IL1RAPL1: variants seen among roughly 807,000 people sequenced by gnomAD.
The protein encoded by IL1RAPL1 is interleukin-1 receptor accessory protein-like 1.
In IL1RAPL1, 3 loss-of-function variants were observed where a neutral mutation model predicts 48.4. The observed-to-expected ratio is 0.06, with a 90% CI of 0.03 to 0.16. The LOEUF (loss-of-function observed/expected upper bound fraction) is 0.16, where lower values mean the gene tolerates loss of function less well. Among genes scored for constraint, IL1RAPL1 ranks in the 10% least tolerant of loss-of-function variants. The probability of loss-of-function intolerance (pLI) is 1.00; values close to 1 mark genes in which losing one functional copy is unlikely to be tolerated. For missense variants in IL1RAPL1, 349 were observed against 530.6 expected (o/e 0.66, Z 3.36); for synonymous variants, 185 against 187.7 (o/e 0.99, Z 0.12).
intron 6 of IL1RAPL1, among the ~76,000 whole-genome samples, chrX:29,760,616 G>A (rs1210298019): frequency 9.0e-6 from 1 of 111,103 alleles, no homozygotes; most frequent in East Asian, 2.8e-4. Flanking sequence ...TTTTAAACAA[G>A]CTCACCAGGT....
chrX:29,345,471 T>G (rs776495340), intron 3 of IL1RAPL1, among the ~76,000 whole-genome samples: 13 of 112,315 alleles, frequency 1.2e-4, no homozygotes, highest in Admixed American at 2.8e-4. Flanking sequence ...TCTCCATTTT[T>G]GTATTGGTTT....
chrX:28,636,045 C>T (rs197005), intron 1 of IL1RAPL1, among the ~76,000 whole-genome samples: 43,476 of 109,882 alleles, frequency 0.4, 6,447 homozygotes, highest in South Asian at 0.54. Context: ...TTGGTCTATC[C>T]GTATTTTTCC....
intron 2 of IL1RAPL1, among the ~76,000 whole-genome samples, chrX:29,277,979 T>A (rs1188981960): frequency 8.9e-6 from 1 of 112,060 alleles, no homozygotes; most frequent in Non-Finnish European, 1.9e-5. Context: ...ATTTGTGGCA[T>A]CATGTTGGCT....
intron 6 of IL1RAPL1, among the ~76,000 whole-genome samples, chrX:29,789,735 A>C (rs1167467989): frequency 9.1e-6 from 1 of 109,572 alleles, no homozygotes; most frequent in Non-Finnish European, 1.9e-5. Context: ...AACTGGTGAA[A>C]AAAAAATCTC....
chrX:29,225,020 C>A (rs1422055180), intron 2 of IL1RAPL1, among the ~76,000 whole-genome samples: 1 of 111,870 alleles, frequency 8.9e-6, no homozygotes, highest in Non-Finnish European at 1.9e-5. Flanking sequence ...GACTTCAGCA[C>A]CTAGTAGACA....
intron 1 of IL1RAPL1, among the ~76,000 whole-genome samples, chrX:28,656,400 G>A (rs1934747532): frequency 9.0e-6 from 1 of 111,294 alleles, no homozygotes; most frequent in Admixed American, 9.6e-5. Flanking sequence ...GGAACCAGGT[G>A]CCATTGATGT....
intron 2 of IL1RAPL1, among the ~76,000 whole-genome samples, chrX:29,258,711 A>T (rs1931798544): frequency 9.0e-6 from 1 of 111,179 alleles, no homozygotes; most frequent in South Asian, 3.8e-4. Flanking sequence ...TTTATGGGCT[A>T]TATTAAGAAG....
At chrX:29,609,711 A>G (rs1419952319) in intron 5 of IL1RAPL1, among the ~76,000 whole-genome samples, 7 of 112,307 alleles carry the variant, frequency 6.2e-5, no homozygotes, top group Non-Finnish European at 1.3e-4. Context: ...TAAATGTTCA[A>G]TGTATTTGTT....
At chrX:28,723,488 T>C (rs1935619869) in intron 1 of IL1RAPL1, among the ~76,000 whole-genome samples, 1 of 111,845 alleles carries the variant, frequency 8.9e-6, no homozygotes, top group African/African-American at 3.3e-5. Context: ...CTCTCTTTTC[T>C]TCTTTGTTAG....
intron 5 of IL1RAPL1, among the ~76,000 whole-genome samples, chrX:29,513,932 A>C (rs1477066810): frequency 1.8e-5 from 2 of 111,878 alleles, no homozygotes; most frequent in Non-Finnish European, 3.8e-5. Context: ...TTTTAGGTCA[A>C]AGGTAGTCTT....
intron 2 of IL1RAPL1, among the ~76,000 whole-genome samples, chrX:28,868,402 C>CTT (rs112734293): frequency 9.0e-6 from 1 of 110,546 alleles, no homozygotes; most frequent in African/African-American, 3.3e-5. Flanking sequence ...TTAGTTTATA[C>CTT]TTTTTTTTTA....
chrX:29,281,328 A>G (rs1485228432), intron 2 of IL1RAPL1, among the ~76,000 whole-genome samples: 1 of 111,716 alleles, frequency 9.0e-6, no homozygotes, highest in Non-Finnish European at 1.9e-5. Flanking sequence ...CCCTCTCTAA[A>G]CAGTAAAATT....
In IL1RAPL1 at chrX:29,434,246, T is replaced by C. The variant is rs183772903; in HGVS notation, c.703+34938T>C. ...TCCCTTCTCAATCACTTCTGCTCTA[T>C]AGACTTTGAACTGACATATTTATTT... On this transcript the variant is annotated intron_variant, in intron 5 of 10. Transcript: ENST00000378993. Among the ~76,000 whole-genome samples, 95 of 110,666 alleles carry C rather than the reference T, an allele frequency of 8.6e-4. 1 individual carries two copies. The highest frequency in any genetic ancestry group is 2.8e-3 in the African/African-American group (85 of 30,689).
chrX:28,816,273 G>T (rs999617536), intron 2 of IL1RAPL1, among the ~76,000 whole-genome samples: 2 of 109,550 alleles, frequency 1.8e-5, no homozygotes, highest in Non-Finnish European at 3.8e-5. Flanking sequence ...GATTCAGGGG[G>T]CACGTTTGAA....
chrX:29,169,536 T>TA (rs1230872523), intron 2 of IL1RAPL1, among the ~76,000 whole-genome samples: 2 of 110,787 alleles, frequency 1.8e-5, no homozygotes, highest in Non-Finnish European at 3.8e-5. Context: ...TAAAAAAATA[T>TA]AAAAATCTTC....
At chrX:29,608,248 A>G (rs1386648119) in intron 5 of IL1RAPL1, among the ~76,000 whole-genome samples, 1 of 111,907 alleles carries the variant, frequency 8.9e-6, no homozygotes, top group Non-Finnish European at 1.9e-5. Context: ...TTGCAAAAGT[A>G]GAAGCTTCCA....
intron 1 of IL1RAPL1, among the ~76,000 whole-genome samples, chrX:28,776,581 A>G (rs775718804): frequency 8.9e-6 from 1 of 112,100 alleles, no homozygotes; most frequent in South Asian, 3.7e-4. Context: ...CATTGGATAT[A>G]GATCATTTAT....
chrX:29,675,110 G>C (rs1299708309), intron 6 of IL1RAPL1, among the ~76,000 whole-genome samples: 2 of 112,274 alleles, frequency 1.8e-5, no homozygotes, highest in African/African-American at 6.5e-5. Flanking sequence ...TGGGTCAAAT[G>C]GTAGTTCTGT....
At chrX:29,337,724 G>C (rs1933015960) in intron 3 of IL1RAPL1, among the ~76,000 whole-genome samples, 1 of 111,260 alleles carries the variant, frequency 9.0e-6, no homozygotes, top group Non-Finnish European at 1.9e-5. Flanking sequence ...ACCCAGGCTG[G>C]AGTGCAGTGG....
Sources: gnomAD v4.1 joint callset for allele counts (sites outside exome capture counted in the v4.1 genomes callset) on GRCh38, gnomAD v4.1.1 for gene constraint, MANE v1.5 for transcripts, NCBI Gene and HGNC (gene_info 2026-07-23, HGNC 2026-07-21) for gene names.